Variants in KCNK1 observed in about 807,000 individuals in gnomAD.
KCNK1 encodes potassium channel subfamily K member 1.
Under a neutral mutation model 22.2 loss-of-function variants are expected in KCNK1, and 10 were observed. The observed-to-expected ratio is 0.45, with a 90% CI of 0.28 to 0.76. KCNK1 has a LOEUF of 0.76. Ranked by LOEUF, KCNK1 falls within the 30% of genes least tolerant of loss-of-function variation. KCNK1 has a pLI of 0.14. For synonymous variants in KCNK1, 200 were observed against 186.4 expected, an observed-to-expected ratio of 1.07 and a Z score of -0.60; for missense variants, 378 against 421.0, an observed-to-expected ratio of 0.90 and a Z score of 0.89.
At chr1:233,668,953 A>G (rs1316853499) in intron 2 of KCNK1, among the ~76,000 whole-genome samples, 1 of 152,196 alleles carries the variant, frequency 6.6e-6, no homozygotes, top group East Asian at 1.9e-4. Flanking sequence ...TATTCTTCCA[A>G]GAAATGAGAT....
intron 1 of KCNK1, among the ~76,000 whole-genome samples, chr1:233,620,821 TA>T (rs577939804): frequency 2.6e-3 from 297 of 116,260 alleles, no homozygotes; most frequent in African/African-American, 0.01. Context: ...TATAAAAAGA[TA>T]AATAGTTAAA....
chr1:233,646,101 G>A (rs772180368), intron 1 of KCNK1, among the ~76,000 whole-genome samples: 7 of 152,124 alleles, frequency 4.6e-5, no homozygotes, highest in East Asian at 1.9e-4. Context: ...TTTCATGGAC[G>A]TATTGATTTT....
intron 1 of KCNK1, among the ~76,000 whole-genome samples, chr1:233,652,559 T>G (rs1161003120): frequency 3.3e-5 from 5 of 152,226 alleles, no homozygotes; most frequent in Non-Finnish European, 1.5e-5. Context: ...TGCTTTCCTT[T>G]CATTTTTTCA....
At chr1:233,652,281 C>G (rs1430981233) in intron 1 of KCNK1, among the ~76,000 whole-genome samples, 3 of 152,062 alleles carry the variant, frequency 2.0e-5, no homozygotes, top group Non-Finnish European at 2.9e-5. Flanking sequence ...CCAGGGATTT[C>G]TTTCTCCAGC....
intron 1 of KCNK1, among the ~76,000 whole-genome samples, chr1:233,616,206 A>G (rs1657486114): frequency 6.6e-6 from 1 of 152,186 alleles, no homozygotes; most frequent in Non-Finnish European, 1.5e-5. Flanking sequence ...CTGGGTCACA[A>G]TGTTGGGTAA....
intron 1 of KCNK1, among the ~76,000 whole-genome samples, chr1:233,641,856 C>T (rs974142328): frequency 6.6e-6 from 1 of 152,190 alleles, no homozygotes; most frequent in Non-Finnish European, 1.5e-5. Flanking sequence ...AGGCAAGTGA[C>T]AGGACAAAGG....
intron 2 of KCNK1, among the ~76,000 whole-genome samples, chr1:233,668,799 G>T (rs550660179): frequency 5.3e-5 from 8 of 152,200 alleles, no homozygotes; most frequent in African/African-American, 1.7e-4. Context: ...TAGAGACAGG[G>T]TTTCACCATG....
At chr1:233,621,485 G>A (rs192171776) in intron 1 of KCNK1, among the ~76,000 whole-genome samples, 58 of 152,258 alleles carry the variant, frequency 3.8e-4, no homozygotes, top group African/African-American at 1.1e-3. Flanking sequence ...GTCTTGCAAC[G>A]AACAATTTTA....
chr1:233,670,273 C>T (rs923555868), intron 2 of KCNK1, among the ~76,000 whole-genome samples: 1 of 152,210 alleles, frequency 6.6e-6, no homozygotes, highest in Admixed American at 6.5e-5. Flanking sequence ...GAATAGTCCA[C>T]ATGTCCAAAA....
At chr1:233,636,777 G>A (rs920659186) in intron 1 of KCNK1, among the ~76,000 whole-genome samples, 9 of 152,180 alleles carry the variant, frequency 5.9e-5, no homozygotes, top group African/African-American at 1.4e-4. Context: ...AAGGGATCAC[G>A]AGAGAGGTGG....
At chr1:233,641,358 G>A (rs910947992) in intron 1 of KCNK1, among the ~76,000 whole-genome samples, 7 of 152,138 alleles carry the variant, frequency 4.6e-5, no homozygotes, top group African/African-American at 1.4e-4. Context: ...CTATGCCAGG[G>A]TTTCAGGGTT....
Position 233,614,259 on chromosome 1 carries a change from T to C in KCNK1, c.88T>C (p.Tyr30His). 6.2e-7 allele frequency: 1 copy of C among 1,613,404 alleles called. No homozygotes were observed. Among genetic ancestry groups the C allele is most frequent in the Non-Finnish European group, 8.5e-7 (1 of 1,179,918 alleles). Residue 30 changes from tyrosine to histidine, a missense_variant, in exon 1 of 3, where the codon TAC becomes CAC. Transcript: ENST00000366621. ...GTGCTTCGGCTTCCTGGTGCTGGGC[T>C]ACTTGCTCTACCTGGTCTTCGGCGC... ...AWCFGFLVLGYLLYLVFGAVV... is the reference protein window; with the variant it reads ...AWCFGFLVLGHLLYLVFGAVV...
intron 1 of KCNK1, among the ~76,000 whole-genome samples, chr1:233,660,224 A>C (rs985492929): frequency 1.3e-5 from 2 of 152,222 alleles, no homozygotes; most frequent in Non-Finnish European, 2.9e-5. Context: ...TGTCTTTAGA[A>C]TATAACTCAT....
intron 2 of KCNK1, among the ~76,000 whole-genome samples, chr1:233,667,729 CAA>C (rs71170433): frequency 0.24 from 19,930 of 84,346 alleles, 731 homozygotes; most frequent in Middle Eastern, 0.27. Flanking sequence ...GACTCCGTCT[CAA>C]AAAAAAAAAA....
At chr1:233,637,195 C>CAAAAAAA (rs34327644) in intron 1 of KCNK1, 3 of 97,370 alleles carry the variant, frequency 3.1e-5, no homozygotes, top group Non-Finnish European at 5.9e-5. Flanking sequence ...GACTCTGTTT[C>CAAAAAAA]AAAAAAAAAA....
chr1:233,669,219 T>C (rs1310763415), intron 2 of KCNK1, among the ~76,000 whole-genome samples: 1 of 152,242 alleles, frequency 6.6e-6, no homozygotes, highest in Non-Finnish European at 1.5e-5. Context: ...ATTCTGTGAC[T>C]TGGAAAGTAG....
chr1:233,620,626 A>G (rs1219112681), intron 1 of KCNK1, among the ~76,000 whole-genome samples: 1 of 152,100 alleles, frequency 6.6e-6, no homozygotes, highest in South Asian at 2.1e-4. Flanking sequence ...AAACAAGCAA[A>G]CTCTGTATTA....
Position 233,671,559 on chromosome 1 carries a change from C to A in KCNK1, c.*29C>A. On this transcript the variant is annotated 3_prime_UTR_variant, in exon 3 of 3. Transcript: ENST00000366621. ...TAGGATTTGTTGCATTATGCTAGAGCACCAGGGTCAGGGTGCAAGGAAGAG... is the reference window on the plus strand; with the variant it reads ...TAGGATTTGTTGCATTATGCTAGAGAACCAGGGTCAGGGTGCAAGGAAGAG... 1 of 1,612,340 alleles carries A rather than the reference C, an allele frequency of 6.2e-7. No homozygotes were observed. The highest frequency in any genetic ancestry group is 8.5e-7 in the Non-Finnish European group (1 of 1,179,176).
chr1:233,658,844 A>T (rs544637334), intron 1 of KCNK1, among the ~76,000 whole-genome samples: 1 of 152,342 alleles, frequency 6.6e-6, no homozygotes, highest in South Asian at 2.1e-4. Context: ...GACACTTAGC[A>T]TGAATGGGGC....
Sources: gnomAD v4.1 joint callset for allele counts (sites outside exome capture counted in the v4.1 genomes callset) on GRCh38, gnomAD v4.1.1 for gene constraint, MANE v1.5 for transcripts, NCBI Gene and HGNC (gene_info 2026-07-23, HGNC 2026-07-21) for gene names.